Variants in UQCC1 observed in about 807,000 individuals in gnomAD.
The protein encoded by UQCC1 is ubiquinol-cytochrome c reductase complex assembly factor 1, also known as bFGF-repressed Zic-binding protein.
A neutral mutation model predicts 48.0 loss-of-function variants in UQCC1; 38 were observed. The observed-to-expected ratio is 0.79, with a 90% CI of 0.61 to 1.04. The LOEUF (loss-of-function observed/expected upper bound fraction) is 1.04. Ranked by LOEUF, UQCC1 falls within the 50% of genes least tolerant of loss-of-function variation. The pLI, the probability that UQCC1 is intolerant of heterozygous loss-of-function variation, is 0.00. For synonymous variants in UQCC1, 111 were observed against 129.2 expected (o/e 0.86, Z 0.95); for missense variants, 368 against 381.8 (o/e 0.96, Z 0.30).
chr20:35,322,100 A>G (rs1180576112), intron 7 of UQCC1, among the ~76,000 whole-genome samples: 1 of 152,206 alleles, frequency 6.6e-6, no homozygotes, highest in Non-Finnish European at 1.5e-5. Flanking sequence ...CATTATAGCT[A>G]TAATCTACTT....
At chr20:35,305,365 G>A (rs1358360483) in intron 9 of UQCC1, among the ~76,000 whole-genome samples, 2 of 152,204 alleles carry the variant, frequency 1.3e-5, no homozygotes, top group South Asian at 2.1e-4. Flanking sequence ...AGGGACAATG[G>A]TTGTGGCAGC....
chr20:35,347,520 G>A (rs144286531), intron 6 of UQCC1, among the ~76,000 whole-genome samples: 67 of 151,968 alleles, frequency 4.4e-4, no homozygotes, highest in Non-Finnish European at 8.7e-4. Context: ...CACCCAGATC[G>A]AGATACAGAT....
At chr20:35,322,940 C>T (rs1242039493) in intron 7 of UQCC1, among the ~76,000 whole-genome samples, 13 of 151,590 alleles carry the variant, frequency 8.6e-5, no homozygotes, top group Non-Finnish European at 1.5e-4. Flanking sequence ...CTCCGCCTCC[C>T]GGGTTCACGC....
At chr20:35,320,050 T>A (rs1041738943) in intron 7 of UQCC1, among the ~76,000 whole-genome samples, 1 of 152,182 alleles carries the variant, frequency 6.6e-6, no homozygotes. Flanking sequence ...CAGTAAAGTA[T>A]GTGCACAGAT....
intron 1 of UQCC1, among the ~76,000 whole-genome samples, chr20:35,399,484 A>C (rs1214782323): frequency 1.3e-5 from 2 of 152,074 alleles, no homozygotes; most frequent in Non-Finnish European, 2.9e-5. Context: ...TTCACTCCAC[A>C]CATGCTAATT....
In UQCC1 at chr20:35,338,892, A is replaced by AATATATATATATATAT. The variant is rs1555805505; in HGVS notation, c.573+8256_573+8271dup. Among the ~76,000 whole-genome samples, 26 of 30,568 alleles carry AATATATATATATATAT rather than the reference A, an allele frequency of 8.5e-4. 2 individuals carry two copies. In the African/African-American group the frequency reaches 8.8e-3, roughly 10 times the overall value. The allele number at this position is 30,568 out of a possible 152,430, so 20.1% of individuals were successfully genotyped here. A position where few individuals can be genotyped will look rare whatever the true frequency, so the allele number is the denominator to read the frequency against. On this transcript the variant is annotated intron_variant, in intron 7 of 9. Coordinates refer to ENST00000374385, the MANE Select transcript of UQCC1 (RefSeq NM_018244.5). The stretch of plus-strand genomic sequence containing the variant: ...AAAAAAAAAAAAAAAAAAAAAAAAA[A>AATATATATATATATAT]ATATATATATATATATGGAGAGATT...
At chr20:35,368,017 G>A (rs1389350004) in intron 5 of UQCC1, among the ~76,000 whole-genome samples, 7 of 152,048 alleles carry the variant, frequency 4.6e-5, no homozygotes, top group Admixed American at 6.6e-5. Flanking sequence ...GAATGTGCCC[G>A]CCTTATTACA....
At chr20:35,396,520 G>A (rs2062081361) in intron 1 of UQCC1, among the ~76,000 whole-genome samples, 1 of 152,000 alleles carries the variant, frequency 6.6e-6, no homozygotes, top group Non-Finnish European at 1.5e-5. Flanking sequence ...GATCTTCATA[G>A]AATCCCTTTA....
chr20:35,304,070 C>G lies in UQCC1; in HGVS notation c.766-1G>C. On this transcript the variant is annotated splice_acceptor_variant, in intron 9 of 9. Coordinates refer to ENST00000374385, the MANE Select transcript of UQCC1 (RefSeq NM_018244.5). LOFTEE classifies it high-confidence loss of function. ...CGTTCATGGAGTCCAGGTACTGTATCTGCAACCAGGGGAGGGGGAAGGAGG... is the reference window on the plus strand; with the variant it reads ...CGTTCATGGAGTCCAGGTACTGTATGTGCAACCAGGGGAGGGGGAAGGAGG... 6.2e-7 allele frequency: 1 copy of G among 1,614,016 alleles called. No homozygotes were observed. The highest frequency in any genetic ancestry group is 8.5e-7 in the Non-Finnish European group (1 of 1,179,932).
intron 1 of UQCC1, among the ~76,000 whole-genome samples, chr20:35,403,879 G>C (rs1284915932): frequency 1.3e-5 from 2 of 152,184 alleles, no homozygotes; most frequent in African/African-American, 4.8e-5. Context: ...CTTGGACACA[G>C]GAAGGGGAAC....
At chr20:35,381,741 G>C (rs1372343814) in intron 4 of UQCC1, among the ~76,000 whole-genome samples, 177 bp downstream of exon 4, 1 of 152,200 alleles carries the variant, frequency 6.6e-6, no homozygotes, top group Non-Finnish European at 1.5e-5. Context: ...TACCCAGCCA[G>C]ATCAGCCGAA....
intron 5 of UQCC1, among the ~76,000 whole-genome samples, chr20:35,368,361 G>C (rs73280176): frequency 6.6e-6 from 1 of 152,082 alleles, no homozygotes; most frequent in African/African-American, 2.4e-5. Context: ...CCTGAGGTAG[G>C]CATTGATATT....
At chr20:35,385,366 GTTA>G (rs2061929301) in intron 2 of UQCC1, among the ~76,000 whole-genome samples, 1 of 152,144 alleles carries the variant, frequency 6.6e-6, no homozygotes. Context: ...TAAAATAGCC[GTTA>G]TTATGTGCCA....
intron 7 of UQCC1, among the ~76,000 whole-genome samples, chr20:35,318,563 A>G (rs1021075808): frequency 6.6e-6 from 1 of 152,166 alleles, no homozygotes; most frequent in African/African-American, 2.4e-5. Flanking sequence ...CTGGTCCTAT[A>G]TTCTAACTCC....
chr20:35,347,081 G>A (rs756948444), intron 7 of UQCC1, 83 bp downstream of exon 7: 2 of 1,613,930 alleles, frequency 1.2e-6, no homozygotes, highest in Non-Finnish European at 1.7e-6. Context: ...CTAAAAGCAG[G>A]GCCATTTTAC....
intron 7 of UQCC1, among the ~76,000 whole-genome samples, chr20:35,322,376 C>G (rs753270783): frequency 3.3e-5 from 5 of 152,126 alleles, no homozygotes; most frequent in Admixed American, 3.3e-4. Flanking sequence ...ACCCTGCCCT[C>G]GAGGAGCTCA....
At chr20:35,388,222 T>A (rs1023829838) in intron 2 of UQCC1, among the ~76,000 whole-genome samples, 7 of 151,766 alleles carry the variant, frequency 4.6e-5, no homozygotes, top group Admixed American at 4.6e-4. Context: ...CCTCAAGTGA[T>A]CAGCCCACCT....
At chr20:35,343,297 T>C (rs936095473) in intron 7 of UQCC1, among the ~76,000 whole-genome samples, 2 of 152,194 alleles carry the variant, frequency 1.3e-5, no homozygotes, top group Admixed American at 1.3e-4. Flanking sequence ...GCCTCCCCTG[T>C]CCCCACCTTT....
At chr20:35,348,800 T>A (rs2061459180) in intron 6 of UQCC1, among the ~76,000 whole-genome samples, 1 of 152,146 alleles carries the variant, frequency 6.6e-6, no homozygotes. Context: ...ATTACAGGTG[T>A]GCACCACCAC....
Sources: gnomAD v4.1 joint callset for allele counts (sites outside exome capture counted in the v4.1 genomes callset) on GRCh38, gnomAD v4.1.1 for gene constraint, MANE v1.5 for transcripts, NCBI Gene and HGNC (gene_info 2026-07-23, HGNC 2026-07-21) for gene names.